PCTP: variants seen among roughly 807,000 people sequenced by gnomAD.
PCTP encodes START domain-containing protein 2.
A neutral mutation model predicts 31.0 loss-of-function variants in PCTP; 27 were observed. The observed-to-expected ratio is 0.87, with a 90% CI of 0.64 to 1.20. The LOEUF is 1.20. Among genes scored for constraint, PCTP ranks in the 50% most tolerant of loss-of-function variants. PCTP has a pLI of 0.00. For synonymous variants in PCTP, 108 were observed against 101.2 expected (o/e 1.07, Z -0.40); for missense variants, 287 against 268.2 (o/e 1.07, Z -0.49).
In PCTP at chr17:55,792,401, T is replaced by C. The variant is rs538072462; in HGVS notation, c.317+4747T>C. On this transcript the variant is annotated intron_variant, in intron 3 of 3. Coordinates refer to the PCTP transcript ENST00000572536. ...AAGTTTGAAAAGGAGGGAATGTAGC[T>C]ACTGAAATATTAAAAGTAAGAAGGA... Among the ~76,000 whole-genome samples, 3 of 152,052 alleles carry C rather than the reference T, an allele frequency of 2.0e-5. No individual in the cohort carries two copies. In the South Asian group the frequency reaches 6.2e-4, roughly 32 times the overall value.
intron 3 of PCTP, among the ~76,000 whole-genome samples, chr17:55,810,278 A>C (rs1258371097): frequency 6.6e-6 from 1 of 152,188 alleles, no homozygotes; most frequent in African/African-American, 2.4e-5. Context: ...TGGCTTCCCA[A>C]AGCATTGGGA....
intron 1 of PCTP, among the ~76,000 whole-genome samples, chr17:55,763,770 A>G (rs1910474720): frequency 6.6e-6 from 1 of 152,210 alleles, no homozygotes; most frequent in South Asian, 2.1e-4. Flanking sequence ...TTTAATTATA[A>G]AAAACTATTT....
chr17:55,763,943 G>C (rs1334749209), intron 1 of PCTP, among the ~76,000 whole-genome samples: 1 of 152,190 alleles, frequency 6.6e-6, no homozygotes, highest in East Asian at 1.9e-4. Flanking sequence ...GGAGCATTTG[G>C]TTCCTCTGGA....
intron 3 of PCTP, among the ~76,000 whole-genome samples, chr17:55,817,884 A>G (rs1399088114): frequency 6.6e-6 from 1 of 152,188 alleles, no homozygotes; most frequent in Admixed American, 6.5e-5. Flanking sequence ...AGAACACACT[A>G]TGAGCCAGGA....
chr17:55,752,669 A>T (rs1193765662), intron 1 of PCTP, among the ~76,000 whole-genome samples: 1 of 152,176 alleles, frequency 6.6e-6, no homozygotes, highest in East Asian at 1.9e-4. Flanking sequence ...ATAATCCAGA[A>T]CACAGCAGAT....
chr17:55,755,567 T>TG (rs1416204507), intron 1 of PCTP, among the ~76,000 whole-genome samples: 1 of 152,174 alleles, frequency 6.6e-6, no homozygotes, highest in East Asian at 1.9e-4. Flanking sequence ...CTTGGACAAG[T>TG]GGGCAATTTT....
At chr17:55,798,637 A>G (rs1912264844) in intron 3 of PCTP, among the ~76,000 whole-genome samples, 4 of 152,036 alleles carry the variant, frequency 2.6e-5, no homozygotes, top group Admixed American at 2.6e-4. Flanking sequence ...CCAGAAAAAT[A>G]TTCTTCAAAA....
At chr17:55,796,113 C>CT (rs889879499) in intron 3 of PCTP, among the ~76,000 whole-genome samples, 27 of 151,900 alleles carry the variant, frequency 1.8e-4, no homozygotes, top group African/African-American at 6.3e-4. Flanking sequence ...GCATGAAAGA[C>CT]CTTTGGATTG....
At chr17:55,815,802 T>C (rs1912897088) in intron 3 of PCTP, among the ~76,000 whole-genome samples, 1 of 152,218 alleles carries the variant, frequency 6.6e-6, no homozygotes, top group Non-Finnish European at 1.5e-5. Context: ...AGGACATCTT[T>C]TGCTGTCTTA....
At chr17:55,792,813 G>A (rs1269588935) in intron 3 of PCTP, among the ~76,000 whole-genome samples, 2 of 152,074 alleles carry the variant, frequency 1.3e-5, no homozygotes, top group African/African-American at 4.8e-5. Context: ...TTGTCTTAAT[G>A]TCAGAGCTTT....
chr17:55,833,685 T>C (rs1446784268), intron 5 of PCTP, among the ~76,000 whole-genome samples: 2 of 152,228 alleles, frequency 1.3e-5, no homozygotes, highest in Non-Finnish European at 2.9e-5. Flanking sequence ...GCAAGCCTTC[T>C]AGGTGACTCT....
intron 5 of PCTP, among the ~76,000 whole-genome samples, chr17:55,832,105 A>C (rs372594002): frequency 3.3e-5 from 5 of 152,208 alleles, no homozygotes; most frequent in South Asian, 2.1e-4. Flanking sequence ...ACAACAACAA[A>C]AAACAAAAAC....
intron 3 of PCTP, 119 bp from the exon 4 acceptor site, chr17:55,773,605 A>T: frequency 1.1e-6 from 1 of 920,202 alleles, no homozygotes; most frequent in East Asian, 2.6e-5. Context: ...TAGTGGTAGA[A>T]AGGAGCAAAT....
intron 3 of PCTP, among the ~76,000 whole-genome samples, chr17:55,771,816 G>A (rs966507335): frequency 3.3e-5 from 5 of 152,128 alleles, no homozygotes; most frequent in Admixed American, 3.3e-4. Context: ...CTAAGCTGGG[G>A]GGCTAGGATG....
rs181102158 is a variant in PCTP at position 55,819,600 on chromosome 17, A to C, written c.318-3161A>C. Reference sequence around the variant, plus strand: ...TCCCAAATCCACAAAATAAATAAACAAAAAATTAGCCAACCATGGTAGTGT... The same window carrying C: ...TCCCAAATCCACAAAATAAATAAACCAAAAATTAGCCAACCATGGTAGTGT... On this transcript the variant is annotated intron_variant, in intron 3 of 3. Coordinates refer to the PCTP transcript ENST00000572536. Among the ~76,000 whole-genome samples the C allele has an allele frequency of 1.6e-4, 24 of 150,532 alleles. No individual in the cohort carries two copies. The East Asian group carries it at 4.3e-3, about 27-fold the overall frequency.
chr17:55,785,125 C>A (rs1246544031), intron 2 of PCTP, among the ~76,000 whole-genome samples: 3 of 152,240 alleles, frequency 2.0e-5, no homozygotes, highest in Non-Finnish European at 4.4e-5. Flanking sequence ...GATGTTACAT[C>A]CAAGATTAAA....
intron 2 of PCTP, among the ~76,000 whole-genome samples, chr17:55,786,062 C>T (rs1472479489): frequency 1.3e-5 from 2 of 152,192 alleles, no homozygotes; most frequent in East Asian, 3.9e-4. Flanking sequence ...GCAGGCAGAT[C>T]ACTTGAGGCC....
intron 1 of PCTP, among the ~76,000 whole-genome samples, chr17:55,766,247 C>T (rs922180741): frequency 6.6e-6 from 1 of 150,844 alleles, no homozygotes; most frequent in Non-Finnish European, 1.5e-5. Flanking sequence ...ACGTCGTCAT[C>T]AGCTGCTTTT....
At chr17:55,751,337 C>A in intron 1 of PCTP, 93 bp downstream of exon 1, 2 of 1,527,274 alleles carry the variant, frequency 1.3e-6, no homozygotes, top group African/African-American at 2.8e-5. Context: ...GCGGAAGGGA[C>A]AGGGGCGCGT....
Sources: allele counts gnomAD v4.1 joint callset (sites outside exome capture counted in the v4.1 genomes callset), GRCh38; gene constraint gnomAD v4.1.1; transcripts MANE v1.5; gene names NCBI Gene and HGNC (gene_info 2026-07-23, HGNC 2026-07-21).